HMCN1: variants seen among roughly 807,000 people sequenced by gnomAD.
HMCN1 encodes hemicentin 1.
A neutral mutation model predicts 625.9 loss-of-function variants in HMCN1; 321 were observed. The observed-to-expected ratio is 0.51, with a 90% confidence interval of 0.47 to 0.56. The LOEUF is 0.56. Among genes scored for constraint, HMCN1 ranks in the 20% least tolerant of loss-of-function variants. The pLI, the probability that HMCN1 is intolerant of heterozygous loss-of-function variation, is 0.00. For synonymous variants in HMCN1, 2,425 were observed against 2,417.6 expected, an observed-to-expected ratio of 1.00 and a Z score of -0.09; for missense variants, 6,588 against 6,887.3, an observed-to-expected ratio of 0.96 and a Z score of 1.54.
rs902972884 is a variant in HMCN1 at position 186,028,253 on chromosome 1, G to GA, written c.5749+5108dup. 7.9e-5 allele frequency among the ~76,000 whole-genome samples: 12 copies of GA among 151,696 alleles called. No homozygotes were observed. The South Asian group carries it at 1.0e-3, about 13-fold the overall frequency. On this transcript the variant is annotated intron_variant, in intron 36 of 106. Transcript: ENST00000271588. ...ATGTACATGCAGCTTTTGGAAAAAG[G>GA]AAAAAAAACCCAGCAAATTGAATGG...
rs531279555 is a variant in HMCN1, at chr1:186,063,485, G to A, written c.7513+885G>A. Among the ~76,000 whole-genome samples, 496 of 145,550 alleles carry A rather than the reference G, an allele frequency of 3.4e-3. 2 individuals are homozygous for A. Among genetic ancestry groups the A allele is most frequent in the Non-Finnish European group, 5.8e-3 (382 of 65,354 alleles). ...AGGAAGGAAGGAAGGAAGGAAGGAA[G>A]GAAGGAAGGAAGGAAGGAAGGAAGG... On this transcript the variant is annotated intron_variant, in intron 48 of 106. Transcript: ENST00000271588.
At chr1:185,751,791 A>G (rs1654831999) in intron 1 of HMCN1, among the ~76,000 whole-genome samples, 1 of 151,448 alleles carries the variant, frequency 6.6e-6, no homozygotes, top group Admixed American at 6.6e-5. Context: ...TTTCAATTTC[A>G]ATGATCATAG....
chr1:186,027,200 G>A (rs933087330), intron 36 of HMCN1, among the ~76,000 whole-genome samples: 1 of 152,130 alleles, frequency 6.6e-6, no homozygotes, highest in Admixed American at 6.5e-5. Context: ...CATTCTCATG[G>A]GGTTTTCCAG....
intron 69 of HMCN1, among the ~76,000 whole-genome samples, chr1:186,105,961 T>C (rs1660589729): frequency 6.6e-6 from 1 of 152,222 alleles, no homozygotes; most frequent in Non-Finnish European, 1.5e-5. Flanking sequence ...CTTAATTGAA[T>C]AACGATGTAA....
intron 24 of HMCN1, 39 bp from the exon 25 acceptor site, chr1:185,997,390 C>T: frequency 7.4e-7 from 1 of 1,356,118 alleles, no homozygotes; most frequent in Non-Finnish European, 1.1e-6. Flanking sequence ...TGAAATTGCT[C>T]AAAGAAAGCC....
At chr1:185,867,806 C>T (rs540255961) in intron 4 of HMCN1, among the ~76,000 whole-genome samples, 2 of 152,282 alleles carry the variant, frequency 1.3e-5, no homozygotes, top group South Asian at 2.1e-4. Flanking sequence ...CGCAGTGGCT[C>T]ACGCCTGTAA....
rs974779025 is a variant in HMCN1 at position 186,014,159 on chromosome 1, A to T, written c.4631-1000A>T. On this transcript the variant is annotated intron_variant, in intron 30 of 106. Coordinates refer to ENST00000271588, the MANE Select transcript of HMCN1 (RefSeq NM_031935.3). Reference sequence around the variant, plus strand: ...ATGTACGTTTGGTAGCATGTGATGAAAATAGCACTTTACCTGTATGGGCTG... The same window carrying T: ...ATGTACGTTTGGTAGCATGTGATGATAATAGCACTTTACCTGTATGGGCTG... Among the ~76,000 whole-genome samples the T allele has an allele frequency of 9.2e-5, 14 of 152,170 alleles. 1 individual carries two copies. The highest frequency in any genetic ancestry group is 3.1e-4 in the African/African-American group (13 of 41,536).
intron 22 of HMCN1, 76 bp from the exon 23 acceptor site, chr1:185,993,106 A>T: frequency 7.1e-7 from 1 of 1,417,232 alleles, no homozygotes; most frequent in Non-Finnish European, 9.9e-7. Flanking sequence ...TAGTAATTTC[A>T]TACTGAAGTG....
chr1:186,037,901 T>G (rs1245051340), intron 36 of HMCN1, 33 bp from the exon 37 acceptor site: 1 of 1,202,556 alleles, frequency 8.3e-7, no homozygotes, highest in South Asian at 1.2e-5. Context: ...ATTCTACTTA[T>G]AAGAAATAAT....
intron 104 of HMCN1, among the ~76,000 whole-genome samples, chr1:186,179,452 A>G (rs548770760): frequency 2.0e-5 from 3 of 152,210 alleles, no homozygotes; most frequent in South Asian, 2.1e-4. Context: ...TCGAGTTGCA[A>G]ACATTACCAT....
At chr1:185,976,437 T>G (rs965126833) in intron 15 of HMCN1, among the ~76,000 whole-genome samples, 1 of 152,148 alleles carries the variant, frequency 6.6e-6, no homozygotes, top group Non-Finnish European at 1.5e-5. Flanking sequence ...GCATTAATGC[T>G]GCTTGAGAGA....
chr1:186,170,130 G>C (rs528955178), intron 100 of HMCN1, among the ~76,000 whole-genome samples: 1 of 152,088 alleles, frequency 6.6e-6, no homozygotes, highest in Admixed American at 6.6e-5. Flanking sequence ...ACCATCTTAC[G>C]CAAGTTAGAA....
At chr1:186,166,729 T>A in intron 99 of HMCN1, 79 bp from the exon 100 acceptor site, 1 of 1,602,384 alleles carries the variant, frequency 6.2e-7, no homozygotes. Context: ...TCACTGCTTT[T>A]TGTATCCCTA....
At chr1:186,109,311 C>A (rs1315731397) in intron 71 of HMCN1, among the ~76,000 whole-genome samples, 1 of 152,158 alleles carries the variant, frequency 6.6e-6, no homozygotes, top group Non-Finnish European at 1.5e-5. Flanking sequence ...AAGACTACCA[C>A]CACCACCAAA....
intron 30 of HMCN1, among the ~76,000 whole-genome samples, chr1:186,013,043 C>T (rs1393942396): frequency 6.6e-6 from 1 of 151,396 alleles, no homozygotes; most frequent in Non-Finnish European, 1.5e-5. Flanking sequence ...TGGTGATATG[C>T]ATAGCATAAA....
At position 186,144,549 on chromosome 1, in the gene HMCN1, G is replaced by A. The variant is rs780178233; in HGVS notation, c.14112G>A (p.Ala4704=). ...TTATTCCAGTTCATGGCAAGTGGGCGACTTGGGCCAGTTGGAGTGCCTGTT... is the reference window on the plus strand; with the variant it reads ...TTATTCCAGTTCATGGCAAGTGGGCAACTTGGGCCAGTTGGAGTGCCTGTT... ...ERNCPIHGKW[A]TWASWSACSV... Residue 4704 remains alanine (A), a synonymous_variant, in exon 91 of 107, where the codon GCG becomes GCA. Transcript: ENST00000271588. The A allele has an allele frequency of 4.3e-5, 69 of 1,613,950 alleles. 1 individual carries two copies. The highest frequency in any genetic ancestry group is 1.6e-4 in the Middle Eastern group (1 of 6,080).
chr1:185,984,329 A>G lies in HMCN1; in HGVS notation c.2935+16A>G, dbSNP rs915353999. 2 of 1,613,352 alleles carry G rather than the reference A, an allele frequency of 1.2e-6. No homozygotes were observed. The highest frequency in any genetic ancestry group is 1.7e-5 in the Admixed American group (1 of 59,968). ...GTTGTGCATGGTAAGAGACACACCC[A>G]ATGTTATTGTTTCGAAACTGTGTTC... is the stretch of plus-strand genomic sequence containing the variant. On this transcript the variant is annotated intron_variant, in intron 19 of 106. Coordinates refer to ENST00000271588, the MANE Select transcript of HMCN1 (RefSeq NM_031935.3).
chr1:186,109,110 C>T (rs1431135635), intron 71 of HMCN1, among the ~76,000 whole-genome samples: 1 of 152,210 alleles, frequency 6.6e-6, no homozygotes, highest in African/African-American at 2.4e-5. Context: ...TACCTGCTGT[C>T]ATACAGCGTC....
At chr1:185,999,849 AC>A (rs2102061233) in intron 25 of HMCN1, among the ~76,000 whole-genome samples, 195 bp from the exon 26 acceptor site, 1 of 152,144 alleles carries the variant, frequency 6.6e-6, no homozygotes, top group East Asian at 1.9e-4. Flanking sequence ...GTCTCTTAAG[AC>A]CCACCGGGAT....
Sources: allele counts gnomAD v4.1 joint callset (sites outside exome capture counted in the v4.1 genomes callset), GRCh38; gene constraint gnomAD v4.1.1; transcripts MANE v1.5; gene names NCBI Gene and HGNC (gene_info 2026-07-23, HGNC 2026-07-21).